PARVG: variants seen among roughly 807,000 people sequenced by gnomAD.
PARVG encodes the protein parvin gamma.
A neutral mutation model predicts 44.4 loss-of-function variants in PARVG; 36 were observed. That is an observed-to-expected ratio of 0.81 (90% CI 0.62 to 1.07). The LOEUF (loss-of-function observed/expected upper bound fraction) is 1.07. PARVG is among the 50% of genes least tolerant of loss of function. The pLI is 0.00. For synonymous variants in PARVG, 170 were observed against 174.1 expected (o/e 0.98, Z 0.19); for missense variants, 407 against 407.4 (o/e 1.00, Z 0.01).
upstream of PARVG, among the ~76,000 whole-genome samples, chr22:44,180,388 C>G (rs990555542): frequency 2.0e-5 from 3 of 152,154 alleles, no homozygotes; most frequent in African/African-American, 4.8e-5. Context: ...GGGAATATAC[C>G]GTCTCTTTGC....
At chr22:44,197,799 G>A (rs115819055) in intron 11 of PARVG, among the ~76,000 whole-genome samples, 4 of 152,254 alleles carry the variant, frequency 2.6e-5, no homozygotes, top group South Asian at 2.1e-4. Context: ...TACCTGGCAC[G>A]CTGCCGGCAT....
upstream of PARVG, among the ~76,000 whole-genome samples, chr22:44,178,547 A>G (rs1733765392): frequency 6.6e-6 from 1 of 152,262 alleles, no homozygotes; most frequent in African/African-American, 2.4e-5. Context: ...TTTAATGTCT[A>G]GCATTCAATA....
intron 4 of PARVG, chr22:44,186,477 G>A (rs2054472246): frequency 4.4e-6 from 2 of 453,470 alleles, no homozygotes; most frequent in South Asian, 3.2e-5. Flanking sequence ...GAGGCCTCCT[G>A]GCCTACACCA....
chr22:44,191,696 G>A (rs2054551216), intron 7 of PARVG, among the ~76,000 whole-genome samples: 1 of 152,012 alleles, frequency 6.6e-6, no homozygotes, highest in Non-Finnish European at 1.5e-5. Context: ...ACCACACCCG[G>A]CTTTCTACTG....
intron 6 of PARVG, among the ~76,000 whole-genome samples, chr22:44,189,821 G>A (rs975242721): frequency 6.6e-6 from 1 of 152,148 alleles, no homozygotes; most frequent in Non-Finnish European, 1.5e-5. Context: ...GGAGGCTGAG[G>A]CAGGAGAATC....
intron 8 of PARVG, among the ~76,000 whole-genome samples, chr22:44,193,319 G>T (rs866516260): frequency 2.0e-5 from 3 of 152,190 alleles, no homozygotes; most frequent in African/African-American, 7.2e-5. Context: ...TCATTTCCAT[G>T]AACTTCCAGG....
chr22:44,186,765 A>G (rs1601731893), intron 4 of PARVG: 1 of 423,776 alleles, frequency 2.4e-6, no homozygotes, highest in Admixed American at 2.4e-5. Flanking sequence ...AGGGGCCAAC[A>G]CATGGTTAGT....
intron 12 of PARVG, among the ~76,000 whole-genome samples, chr22:44,205,453 T>C (rs2054767498): frequency 6.6e-6 from 1 of 152,226 alleles, no homozygotes; most frequent in South Asian, 2.1e-4. Flanking sequence ...CCTTGGCGAT[T>C]GCCTTTTTCA....
At chr22:44,199,041 C>T (rs1161708923) in intron 12 of PARVG, among the ~76,000 whole-genome samples, 1 of 146,274 alleles carries the variant, frequency 6.8e-6, no homozygotes, top group Non-Finnish European at 1.5e-5. Context: ...TACCTGACCG[C>T]CTATTAGCCC....
chr22:44,189,775 G>A (rs2054523262), intron 6 of PARVG, among the ~76,000 whole-genome samples: 1 of 152,130 alleles, frequency 6.6e-6, no homozygotes, highest in Admixed American at 6.5e-5. Flanking sequence ...AAATTAGCTG[G>A]GCGTGGTGGC....
chr22:44,205,243 G>A (rs1279457794), intron 12 of PARVG, among the ~76,000 whole-genome samples: 1 of 152,174 alleles, frequency 6.6e-6, no homozygotes, highest in Non-Finnish European at 1.5e-5. Context: ...TTTCTGTCTC[G>A]TGAGCTCCAG....
intron 6 of PARVG, among the ~76,000 whole-genome samples, chr22:44,189,587 G>T (rs111510311): frequency 2.0e-4 from 31 of 152,316 alleles, no homozygotes; most frequent in African/African-American, 7.0e-4. Context: ...TTTCATTAAA[G>T]TATTGGAATA....
At chr22:44,195,633 C>T (rs2054607437) in intron 9 of PARVG, among the ~76,000 whole-genome samples, 1 of 152,194 alleles carries the variant, frequency 6.6e-6, no homozygotes, top group African/African-American at 2.4e-5. Context: ...TTCAGACACT[C>T]TTGGGGGCGG....
At chr22:44,177,629 AGGT>A (rs1392516037), upstream of PARVG, among the ~76,000 whole-genome samples, 1 of 152,202 alleles carries the variant, frequency 6.6e-6, no homozygotes, top group African/African-American at 2.4e-5. Context: ...TATTAGATCC[AGGT>A]TATGCGTTTT....
rs1203638442 is a variant in PARVG, at chr22:44,208,186, C to T, written c.*1760C>T. The T allele has an allele frequency of 6.6e-6, 1 of 152,042 alleles. No homozygotes were observed. Among genetic ancestry groups the T allele is most frequent in the African/African-American group, 2.4e-5 (1 of 41,410 alleles). The allele number at this position is 152,042 out of a possible 1,614,324, so 9.4% of individuals were successfully genotyped here. A position where few individuals can be genotyped will look rare whatever the true frequency, so the allele number is the denominator to read the frequency against. ...ACGTCCTCACTCTTGTTCTATTTGA[C>T]AGCAATTAAAAAAAAAGTGACTTAT... On this transcript the variant is annotated 3_prime_UTR_variant, in exon 14 of 14. Coordinates refer to ENST00000444313, the MANE Select transcript of PARVG (RefSeq NM_022141.7).
intron 12 of PARVG, 42 bp from the exon 13 acceptor site, chr22:44,205,715 C>T: frequency 6.2e-7 from 1 of 1,610,476 alleles, no homozygotes; most frequent in Non-Finnish European, 8.5e-7. Flanking sequence ...TGGCCTGGGG[C>T]TGCTGCTTGT....
chr22:44,187,033 G>C, intron 4 of PARVG: 1 of 237,074 alleles, frequency 4.2e-6, no homozygotes, highest in South Asian at 5.6e-5. Context: ...GCAGGTGGGA[G>C]CTGGGCCAGT....
intron 12 of PARVG, among the ~76,000 whole-genome samples, chr22:44,205,285 C>T (rs1175792554): frequency 6.6e-6 from 1 of 152,204 alleles, no homozygotes; most frequent in Non-Finnish European, 1.5e-5. Context: ...GCCTTGATTT[C>T]CTCACTGTGC....
intron 7 of PARVG, among the ~76,000 whole-genome samples, chr22:44,191,182 T>C (rs550442847): frequency 6.6e-6 from 1 of 152,190 alleles, no homozygotes; most frequent in South Asian, 2.1e-4. Flanking sequence ...CTGCGGTTAA[T>C]ACCCAGGAAT....
Sources: gnomAD v4.1 joint callset for allele counts (sites outside exome capture counted in the v4.1 genomes callset) on GRCh38, gnomAD v4.1.1 for gene constraint, MANE v1.5 for transcripts, NCBI Gene and HGNC (gene_info 2026-07-23, HGNC 2026-07-21) for gene names.